SHANK2: variants seen among roughly 807,000 people sequenced by gnomAD.
SHANK2 encodes the protein SH3 and multiple ankyrin repeat domains 2.
A neutral mutation model predicts 133.7 loss-of-function variants in SHANK2; 43 were observed. The observed-to-expected ratio is 0.32, with a 90% confidence interval of 0.25 to 0.41. The LOEUF is 0.41. Among genes scored for constraint, SHANK2 ranks in the 10% least tolerant of loss-of-function variants. SHANK2 has a pLI of 1.00. For synonymous variants in SHANK2, 1,017 were observed against 952.8 expected (o/e 1.07, Z -1.24); for missense variants, 1,994 against 2,235.8 (o/e 0.89, Z 2.18).
At chr11:70,752,579 G>A (rs935227558) in intron 14 of SHANK2, among the ~76,000 whole-genome samples, 3 of 151,802 alleles carry the variant, frequency 2.0e-5, no homozygotes, top group South Asian at 4.2e-4. Context: ...AGTGGCGGGC[G>A]CCTGTAGTCC....
chr11:71,225,851 C>T (rs778790399), intron 1 of SHANK2, among the ~76,000 whole-genome samples: 7 of 152,204 alleles, frequency 4.6e-5, no homozygotes, highest in East Asian at 1.9e-4. Context: ...TGGCCGGGCA[C>T]GGTGGCTCAT....
intron 17 of SHANK2, among the ~76,000 whole-genome samples, chr11:70,528,801 C>G (rs912691849): frequency 6.6e-6 from 1 of 152,060 alleles, no homozygotes; most frequent in African/African-American, 2.4e-5. Flanking sequence ...GAAGGGGGGT[C>G]CGTGGCAGCC....
Position 70,502,281 on chromosome 11 carries a change from G to T in SHANK2, c.2203C>A (p.Pro735Thr). The T allele has an allele frequency of 6.4e-7, 1 of 1,555,218 alleles. No homozygotes were observed. The change falls in exon 19 of 26, where the codon CCG becomes ACG. Residue 735 changes from proline (P) to threonine (T), a missense_variant. By Grantham distance (38) the Pro-to-Thr change is conservative. Coordinates refer to ENST00000601538, the MANE Select transcript of SHANK2 (RefSeq NM_012309.5). Reference sequence around the variant, plus strand: ...GTGGTCGGTGCCCGCTTTGGAGGCGGGGGAGCTGGAGGGCAGAGGAGAGAT... The same window carrying T: ...GTGGTCGGTGCCCGCTTTGGAGGCGTGGGAGCTGGAGGGCAGAGGAGAGAT... ...PDDTARKKAP[P>T]PPKRAPTTAL...
intron 11 of SHANK2, among the ~76,000 whole-genome samples, chr11:70,866,291 C>A (rs117001681): frequency 5.3e-5 from 8 of 151,990 alleles, no homozygotes; most frequent in African/African-American, 1.7e-4. Context: ...GCCCATCGCA[C>A]CCCGCGGCAC....
chr11:70,588,629 G>A (rs1172595259), intron 17 of SHANK2, among the ~76,000 whole-genome samples: 1 of 152,188 alleles, frequency 6.6e-6, no homozygotes, highest in African/African-American at 2.4e-5. Context: ...AGCTGAGGAA[G>A]TTGCAGGAAA....
chr11:71,167,694 C>T (rs562029511), intron 2 of SHANK2, among the ~76,000 whole-genome samples: 3 of 145,358 alleles, frequency 2.1e-5, no homozygotes, highest in Non-Finnish European at 3.0e-5. Flanking sequence ...CCCTCCTGGA[C>T]GGAGCGGCTG....
intron 14 of SHANK2, among the ~76,000 whole-genome samples, chr11:70,711,599 C>T (rs1168394028): frequency 6.6e-6 from 1 of 152,242 alleles, no homozygotes; most frequent in Non-Finnish European, 1.5e-5. Flanking sequence ...GCCCGGCCTC[C>T]AGGCTCAGGA....
intron 15 of SHANK2, among the ~76,000 whole-genome samples, chr11:70,690,321 G>T (rs1471141206): frequency 6.6e-6 from 1 of 151,890 alleles, no homozygotes; most frequent in Non-Finnish European, 1.5e-5. Context: ...TGAAAATCAT[G>T]ATCCTAATAT....
intron 17 of SHANK2, among the ~76,000 whole-genome samples, chr11:70,530,579 C>G (rs1554972975): frequency 1.3e-5 from 2 of 152,096 alleles, no homozygotes; most frequent in Non-Finnish European, 2.9e-5. Flanking sequence ...CTGACACATA[C>G]TACAACGTGG....
intron 14 of SHANK2, among the ~76,000 whole-genome samples, chr11:70,761,398 T>C (rs1946994927): frequency 6.6e-6 from 1 of 152,130 alleles, no homozygotes; most frequent in Non-Finnish European, 1.5e-5. Flanking sequence ...AATCGATTTC[T>C]GGTGTGTGAG....
chr11:70,836,986 T>C (rs1555060208), intron 11 of SHANK2, among the ~76,000 whole-genome samples: 1 of 152,190 alleles, frequency 6.6e-6, no homozygotes, highest in Non-Finnish European at 1.5e-5. Context: ...TCTGTCTCTC[T>C]GTCTCTCCAC....
intron 14 of SHANK2, among the ~76,000 whole-genome samples, chr11:70,791,146 G>A (rs1189184070): frequency 1.3e-5 from 2 of 152,190 alleles, no homozygotes; most frequent in African/African-American, 4.8e-5. Flanking sequence ...ACAAATGGGT[G>A]GAAAGCTTTA....
chr11:71,191,863 AT>A (rs1445824827), intron 2 of SHANK2, among the ~76,000 whole-genome samples: 2 of 143,732 alleles, frequency 1.4e-5, no homozygotes, highest in Non-Finnish European at 3.0e-5. Context: ...CCTTAACTTT[AT>A]TTTTTATTTT....
At chr11:70,754,776 G>GAA (rs1946830512) in intron 14 of SHANK2, among the ~76,000 whole-genome samples, 1 of 152,150 alleles carries the variant, frequency 6.6e-6, no homozygotes, top group African/African-American at 2.4e-5. Context: ...GGACAAGGAT[G>GAA]AAAAGTCCAG....
Position 70,757,812 on chromosome 11 carries a change from G to A in SHANK2, c.1777+40631C>T, listed in dbSNP as rs369279908. ...CCAGAATGTGTGGGTGGGGTCCCCC[G>A]ACACACCATCCCATAGGCCTGCATG... On this transcript the variant is annotated intron_variant, in intron 14 of 25. Transcript: ENST00000601538. 2.2e-4 allele frequency among the ~76,000 whole-genome samples: 33 copies of A among 152,202 alleles called. 1 individual carries two copies. The East Asian group carries it at 4.7e-3, about 21-fold the overall frequency.
At chr11:71,105,332 C>T (rs1951785219) in intron 6 of SHANK2, among the ~76,000 whole-genome samples, 2 of 152,228 alleles carry the variant, frequency 1.3e-5, no homozygotes, top group Non-Finnish European at 2.9e-5. Flanking sequence ...GTGGCTCACA[C>T]CTGTAATCCC....
intron 17 of SHANK2, among the ~76,000 whole-genome samples, chr11:70,592,945 A>T (rs970411255): frequency 6.6e-5 from 10 of 152,090 alleles, no homozygotes; most frequent in African/African-American, 2.4e-4. Context: ...ACGTGATGCA[A>T]CCCCAAGATG....
chr11:71,211,974 G>A (rs1284025218), intron 2 of SHANK2, among the ~76,000 whole-genome samples: 2 of 152,154 alleles, frequency 1.3e-5, no homozygotes, highest in African/African-American at 4.8e-5. Context: ...CCTATTCACT[G>A]TGTTTTCAGC....
intron 10 of SHANK2, among the ~76,000 whole-genome samples, chr11:70,921,614 C>T (rs1474836742): frequency 6.6e-6 from 1 of 152,198 alleles, no homozygotes; most frequent in Non-Finnish European, 1.5e-5. Context: ...GGGCAGGGCC[C>T]ACCCAGGAGA....
Sources: gnomAD v4.1 joint callset for allele counts (sites outside exome capture counted in the v4.1 genomes callset) on GRCh38, gnomAD v4.1.1 for gene constraint, MANE v1.5 for transcripts, NCBI Gene and HGNC (gene_info 2026-07-23, HGNC 2026-07-21) for gene names.